The following DLG2 variants were observed in gnomAD, a reference collection of about 807,000 sequenced individuals.
The protein encoded by DLG2 is disks large homolog 2.
Under a neutral mutation model 132.5 loss-of-function variants are expected in DLG2, and 45 were observed. The ratio of observed to expected loss-of-function variants is 0.34; its 90% CI spans 0.27 to 0.44. The LOEUF is 0.44. Among genes scored for constraint, DLG2 ranks in the 20% least tolerant of loss-of-function variants. The pLI, the probability that DLG2 is intolerant of heterozygous loss-of-function variation, is 1.00. For missense variants in DLG2, 1,045 were observed against 1,196.9 expected, an observed-to-expected ratio of 0.87 and a Z score of 1.87; for synonymous variants, 424 against 419.6, an observed-to-expected ratio of 1.01 and a Z score of -0.13.
At chr11:84,520,712 G>C (rs952178881) in intron 7 of DLG2, among the ~76,000 whole-genome samples, 4 of 152,182 alleles carry the variant, frequency 2.6e-5, no homozygotes, top group Non-Finnish European at 5.9e-5. Context: ...ATAGGGACTA[G>C]GGAAATAGAA....
At chr11:85,077,809 CAGTTTCCATTTATATTTAGAGGGAT>C (rs2066745149) in intron 6 of DLG2, among the ~76,000 whole-genome samples, 1 of 151,918 alleles carries the variant, frequency 6.6e-6, no homozygotes, top group African/African-American at 2.4e-5. Flanking sequence ...TCTTGGCTTA[CAGTTTCCATTTATATTTAGAGGGAT>C]AGTCTCCATT....
chr11:84,772,034 C>A (rs1335320831), intron 6 of DLG2, among the ~76,000 whole-genome samples: 1 of 151,974 alleles, frequency 6.6e-6, no homozygotes, highest in East Asian at 1.9e-4. Flanking sequence ...TGTAATGACC[C>A]CCATAGGCTC....
chr11:83,957,641 AC>A (rs1236780946), intron 14 of DLG2, among the ~76,000 whole-genome samples: 2 of 151,260 alleles, frequency 1.3e-5, no homozygotes, highest in African/African-American at 4.9e-5. Context: ...TTAAAATTAG[AC>A]CTACACTTTC....
intron 6 of DLG2, among the ~76,000 whole-genome samples, chr11:84,757,415 A>AAC (rs374611438): frequency 9.2e-5 from 14 of 152,010 alleles, no homozygotes; most frequent in East Asian, 1.9e-4. Flanking sequence ...TGTAAATTTA[A>AAC]ACACACACAC....
At chr11:84,317,765 T>C (rs1170575160) in intron 7 of DLG2, among the ~76,000 whole-genome samples, 1 of 152,294 alleles carries the variant, frequency 6.6e-6, no homozygotes, top group East Asian at 1.9e-4. Context: ...ATGAAGTAAC[T>C]ATATAAGATC....
intron 6 of DLG2, among the ~76,000 whole-genome samples, chr11:84,672,078 G>C (rs961556118): frequency 2.0e-5 from 3 of 152,106 alleles, no homozygotes; most frequent in Admixed American, 6.5e-5. Context: ...TTGTATTCTA[G>C]ACCTGGCTCC....
intron 6 of DLG2, among the ~76,000 whole-genome samples, chr11:84,897,096 C>T (rs2090301544): frequency 6.6e-6 from 1 of 151,764 alleles, no homozygotes; most frequent in East Asian, 1.9e-4. Context: ...CTTCACCCCA[C>T]AATATTTTTT....
rs939971808 is a variant in DLG2 at position 83,704,775 on chromosome 11, C to T, written c.1826-71450G>A. ...CTGGAAGGCGGAGGTGGCAGTGAGC[C>T]GAGATCACGCCACTGCACTCCAGCC... On this transcript the variant is annotated intron_variant, in intron 18 of 27. Transcript: ENST00000376104. Among the ~76,000 whole-genome samples, 11 of 152,116 alleles carry T rather than the reference C, an allele frequency of 7.2e-5. No individual in the cohort carries two copies. In the East Asian group the frequency reaches 1.7e-3, roughly 24 times the overall value.
chr11:83,696,942 T>C (rs2082053356), intron 18 of DLG2, among the ~76,000 whole-genome samples: 1 of 152,216 alleles, frequency 6.6e-6, no homozygotes, highest in African/African-American at 2.4e-5. Flanking sequence ...AGAAATATAA[T>C]TTCCCTTTCT....
At chr11:84,462,642 T>C (rs1314076438) in intron 7 of DLG2, among the ~76,000 whole-genome samples, 5 of 151,122 alleles carry the variant, frequency 3.3e-5, no homozygotes, top group African/African-American at 1.2e-4. Flanking sequence ...GCCAGTTTAG[T>C]TCCAAAGAAA....
intron 8 of DLG2, among the ~76,000 whole-genome samples, chr11:84,207,077 C>CTATA (rs1401388219): frequency 1.9e-3 from 203 of 106,242 alleles, no homozygotes; most frequent in East Asian, 6.5e-3. Flanking sequence ...CTCTCTCTCT[C>CTATA]TCTCTATATA....
chr11:85,549,225 A>G (rs977081788), intron 3 of DLG2, among the ~76,000 whole-genome samples: 1 of 152,082 alleles, frequency 6.6e-6, no homozygotes, highest in African/African-American at 2.4e-5. Context: ...CTTCCCTTGG[A>G]TAGACAAGGT....
intron 6 of DLG2, among the ~76,000 whole-genome samples, chr11:84,598,692 A>G (rs1428908787): frequency 6.6e-6 from 1 of 151,842 alleles, no homozygotes; most frequent in Non-Finnish European, 1.5e-5. Context: ...CTAGGAGGCC[A>G]GGGCAGAAGG....
intron 6 of DLG2, among the ~76,000 whole-genome samples, chr11:84,947,614 T>A (rs541943958): frequency 1.8e-4 from 28 of 152,290 alleles, no homozygotes; most frequent in African/African-American, 6.3e-4. Context: ...GTCTGCCAAA[T>A]CCAAGTGATG....
intron 6 of DLG2, among the ~76,000 whole-genome samples, chr11:84,565,290 T>C (rs1223811348): frequency 6.6e-6 from 1 of 152,144 alleles, no homozygotes; most frequent in Non-Finnish European, 1.5e-5. Flanking sequence ...ATGTCAAAAG[T>C]AGTAGAATAG....
intron 6 of DLG2, among the ~76,000 whole-genome samples, chr11:84,663,242 TATATA>T (rs2099696510): frequency 1.5e-5 from 1 of 66,368 alleles, no homozygotes; most frequent in Non-Finnish European, 2.9e-5. Context: ...TATATATATA[TATATA>T]TATTTTTTTT....
chr11:85,459,537 T>C (rs1297477844), intron 3 of DLG2, among the ~76,000 whole-genome samples: 2 of 152,132 alleles, frequency 1.3e-5, no homozygotes, highest in African/African-American at 4.8e-5. Context: ...TCCGTGGGTA[T>C]GCTTAGCTGT....
intron 3 of DLG2, among the ~76,000 whole-genome samples, chr11:85,530,477 C>T (rs1018888971): frequency 4.6e-5 from 7 of 151,896 alleles, no homozygotes; most frequent in South Asian, 2.1e-4. Flanking sequence ...CATGCCACCA[C>T]GCCCAGCTAA....
At chr11:83,879,149 G>T (rs141267333) in intron 15 of DLG2, among the ~76,000 whole-genome samples, 2 of 152,306 alleles carry the variant, frequency 1.3e-5, no homozygotes, top group East Asian at 3.9e-4. Context: ...GGAACACAAA[G>T]GTCCTAGCTG....
Sources: gnomAD v4.1 joint callset for allele counts (sites outside exome capture counted in the v4.1 genomes callset) on GRCh38, gnomAD v4.1.1 for gene constraint, MANE v1.5 for transcripts, NCBI Gene and HGNC (gene_info 2026-07-23, HGNC 2026-07-21) for gene names.